The following GRID2 variants were observed in gnomAD, a reference collection of about 807,000 sequenced individuals.
GRID2 encodes glutamate receptor ionotropic, delta-2.
GRID2 carries 33 observed loss-of-function variants against 114.8 expected under a neutral mutation model. That is an observed-to-expected ratio of 0.29 (90% CI 0.22 to 0.38). The LOEUF (loss-of-function observed/expected upper bound fraction) is 0.38. Among genes scored for constraint, GRID2 ranks in the 10% least tolerant of loss-of-function variants. The pLI is 1.00. For missense variants in GRID2, 1,184 were observed against 1,257.7 expected (o/e 0.94, Z 0.89); for synonymous variants, 505 against 449.9 (o/e 1.12, Z -1.55).
chr4:92,548,585 G>A (rs559521716), intron 1 of GRID2, among the ~76,000 whole-genome samples: 1 of 151,048 alleles, frequency 6.6e-6, no homozygotes, highest in Admixed American at 6.6e-5. Flanking sequence ...GTAGAGATGG[G>A]TTTTCACCAT....
At chr4:92,995,074 C>T (rs1304033709) in intron 2 of GRID2, among the ~76,000 whole-genome samples, 2 of 152,166 alleles carry the variant, frequency 1.3e-5, no homozygotes, top group Admixed American at 1.3e-4. Context: ...GCCTTTCTCA[C>T]AAGTTCTATT....
At chr4:92,827,595 G>T (rs951596569) in intron 2 of GRID2, among the ~76,000 whole-genome samples, 1 of 151,940 alleles carries the variant, frequency 6.6e-6, no homozygotes, top group African/African-American at 2.4e-5. Context: ...TCTTAAATAT[G>T]ATTTTTTTCT....
At chr4:93,256,228 G>T (rs553035653) in intron 8 of GRID2, among the ~76,000 whole-genome samples, 91 of 151,242 alleles carry the variant, frequency 6.0e-4, no homozygotes, top group African/African-American at 2.0e-3. Context: ...TTTTTTGAAT[G>T]GCAACCATGT....
chr4:92,664,017 T>C (rs1362797217), intron 2 of GRID2, among the ~76,000 whole-genome samples: 5 of 151,208 alleles, frequency 3.3e-5, no homozygotes, highest in African/African-American at 1.2e-4. Flanking sequence ...TTTACTTATC[T>C]TTGCTCTAAC....
At chr4:93,241,908 T>C (rs1747564464) in intron 8 of GRID2, among the ~76,000 whole-genome samples, 1 of 151,488 alleles carries the variant, frequency 6.6e-6, no homozygotes, top group African/African-American at 2.4e-5. Context: ...ATTTGAATGC[T>C]CACAGACCAA....
intron 1 of GRID2, among the ~76,000 whole-genome samples, chr4:92,463,671 T>C (rs181623289): frequency 6.6e-6 from 1 of 152,022 alleles, no homozygotes; most frequent in African/African-American, 2.4e-5. Context: ...TCTGTACTGA[T>C]GTTCTATCTT....
chr4:93,496,657 T>C (rs1452876830), intron 12 of GRID2, among the ~76,000 whole-genome samples: 1 of 151,826 alleles, frequency 6.6e-6, no homozygotes, highest in Non-Finnish European at 1.5e-5. Context: ...GGCTTTCTTA[T>C]TGATTCAGCA....
chr4:93,111,025 A>C (rs554770904), intron 4 of GRID2, 72 bp downstream of exon 4: 2 of 949,112 alleles, frequency 2.1e-6, no homozygotes, highest in South Asian at 1.4e-5. Context: ...CCTACAGAGG[A>C]GATGAAAATT....
chr4:93,400,261 T>C (rs1187477302), intron 9 of GRID2, among the ~76,000 whole-genome samples: 3 of 152,140 alleles, frequency 2.0e-5, no homozygotes, highest in Admixed American at 1.3e-4. Flanking sequence ...AATTTCTTCA[T>C]ATATAGATTT....
intron 2 of GRID2, among the ~76,000 whole-genome samples, chr4:93,042,713 A>ATC (rs1725713205): frequency 6.9e-6 from 1 of 145,530 alleles, no homozygotes; most frequent in Non-Finnish European, 1.5e-5. Context: ...GCATATATAT[A>ATC]TAGATATATA....
At chr4:93,793,431 C>T (rs1008192069) in intron 1 of GRID2, among the ~76,000 whole-genome samples, 1 of 152,062 alleles carries the variant, frequency 6.6e-6, no homozygotes, top group Non-Finnish European at 1.5e-5. Flanking sequence ...TAGAACAATG[C>T]CCTGACTTTT....
At chr4:92,651,751 C>T (rs571273857) in intron 2 of GRID2, among the ~76,000 whole-genome samples, 5 of 152,184 alleles carry the variant, frequency 3.3e-5, no homozygotes, top group Admixed American at 6.5e-5. Flanking sequence ...AAATTCAAAA[C>T]AGGTGCACTG....
chr4:93,798,899 T>C (rs1734862533), intron 1 of GRID2, among the ~76,000 whole-genome samples: 1 of 152,110 alleles, frequency 6.6e-6, no homozygotes. Context: ...CTTACAAAGA[T>C]ACATAACACC....
chr4:93,325,512 G>C (rs1382695398), intron 8 of GRID2, among the ~76,000 whole-genome samples: 1 of 151,118 alleles, frequency 6.6e-6, no homozygotes, highest in East Asian at 1.9e-4. Context: ...TTGTTTTCTA[G>C]GTAATTTCTT....
intron 1 of GRID2, among the ~76,000 whole-genome samples, chr4:92,439,557 G>A (rs2110357098): frequency 6.6e-6 from 1 of 151,582 alleles, no homozygotes; most frequent in African/African-American, 2.4e-5. Context: ...GGAACCTAGA[G>A]TGGGAGAGAT....
At chr4:92,757,042 GT>G (rs1413683324) in intron 2 of GRID2, among the ~76,000 whole-genome samples, 2 of 151,974 alleles carry the variant, frequency 1.3e-5, no homozygotes, top group Non-Finnish European at 2.9e-5. Flanking sequence ...ATATTCTGGA[GT>G]GTTTCTCTTA....
intron 2 of GRID2, among the ~76,000 whole-genome samples, chr4:93,083,722 A>G (rs966770602): frequency 2.0e-5 from 3 of 150,414 alleles, no homozygotes; most frequent in Admixed American, 6.7e-5. Context: ...AAAAAAATAC[A>G]TCCTTGATGC....
intron 1 of GRID2, among the ~76,000 whole-genome samples, chr4:92,384,480 TATTTATATATAATAAAAATA>T (rs1560598771): frequency 1.9e-5 from 1 of 54,026 alleles, no homozygotes; most frequent in Non-Finnish European, 3.2e-5. Flanking sequence ...ATATATATAT[TATTTATATATAATAAAAATA>T]TATATTATAT....
intron 2 of GRID2, among the ~76,000 whole-genome samples, chr4:92,655,188 A>G (rs1248988784): frequency 6.6e-6 from 1 of 151,878 alleles, no homozygotes; most frequent in African/African-American, 2.4e-5. Flanking sequence ...TTTGTCAAAG[A>G]CGAGTTGGCG....
Sources: allele counts gnomAD v4.1 joint callset (sites outside exome capture counted in the v4.1 genomes callset), GRCh38; gene constraint gnomAD v4.1.1; transcripts MANE v1.5; gene names NCBI Gene and HGNC (gene_info 2026-07-23, HGNC 2026-07-21).